Variants in USP45 observed in about 807,000 individuals in gnomAD.
The protein encoded by USP45 is ubiquitin carboxyl-terminal hydrolase 45.
Under a neutral mutation model 95.8 loss-of-function variants are expected in USP45, and 89 were observed. That is an observed-to-expected ratio of 0.93 (90% confidence interval 0.78 to 1.11). The LOEUF is 1.11. Among genes scored for constraint, USP45 ranks in the 50% least tolerant of loss-of-function variants. The pLI is 0.00. For missense variants in USP45, 898 were observed against 942.5 expected (o/e 0.95, Z 0.62); for synonymous variants, 281 against 316.2 (o/e 0.89, Z 1.18).
rs1350213599 is a variant in USP45, at chr6:99,446,003, A to G, written c.1769T>C (p.Leu590Ser). The G allele has an allele frequency of 1.9e-6, 3 of 1,613,918 alleles. No homozygotes were observed. In the East Asian group the frequency reaches 6.7e-5, roughly 36 times the overall value. The change falls in exon 14 of 18, where the codon TTA becomes TCA. Residue 590 changes from leucine to serine, a missense_variant. Coordinates refer to ENST00000500704, the MANE Select transcript of USP45 (RefSeq NM_001346022.3). ...PLNISNNLCFLEGKHLRSYSP... is the reference protein window; with the variant it reads ...PLNISNNLCFSEGKHLRSYSP... ...ATAAGACCTCAAATGCTTCCCCTCTAAAAAACATAAATTATTTGAAATATT... is the reference window on the plus strand; with the variant it reads ...ATAAGACCTCAAATGCTTCCCCTCTGAAAAACATAAATTATTTGAAATATT...
In USP45 at chr6:99,433,248, A is replaced by G. The variant is rs1779980702; in HGVS notation, c.*2468T>C. Reference sequence around the variant, plus strand: ...ATTGGCACATAATCAATATTTTATCATTTTATATTTGGAAAAAAACGGGAA... The same window carrying G: ...ATTGGCACATAATCAATATTTTATCGTTTTATATTTGGAAAAAAACGGGAA... On this transcript the variant is annotated 3_prime_UTR_variant, in exon 18 of 18. Transcript: ENST00000500704. The G allele has an allele frequency of 6.5e-6, 1 of 152,672 alleles. No individual in the cohort carries two copies. Among genetic ancestry groups the G allele is most frequent in the East Asian group, 1.9e-4 (1 of 5,200 alleles). 9.5% of individuals were successfully genotyped at this position (152,672 alleles called of 1,614,324 possible).
At chr6:99,461,777 G>T in intron 13 of USP45, 1 of 983,106 alleles carries the variant, frequency 1.0e-6, no homozygotes, top group Non-Finnish European at 1.2e-6. Context: ...GATGCAAGGT[G>T]CTTCTATTAC....
chr6:99,487,144 A>G (rs1447857687), intron 7 of USP45, among the ~76,000 whole-genome samples: 2 of 152,200 alleles, frequency 1.3e-5, no homozygotes, highest in Non-Finnish European at 1.5e-5. Flanking sequence ...ATCATGGGAC[A>G]TCTCAATAAA....
chr6:99,477,665 CTAA>C (rs1248520603), intron 8 of USP45, among the ~76,000 whole-genome samples: 1 of 152,070 alleles, frequency 6.6e-6, no homozygotes, highest in Non-Finnish European at 1.5e-5. Context: ...AATATTAATC[CTAA>C]TAATACAAAG....
chr6:99,459,566 T>C (rs980941286), intron 13 of USP45, among the ~76,000 whole-genome samples: 11 of 152,214 alleles, frequency 7.2e-5, no homozygotes, highest in Non-Finnish European at 1.6e-4. Context: ...GCCACACTGC[T>C]TTCTGCAACG....
chr6:99,443,523 A>G, intron 15 of USP45, 42 bp downstream of exon 15: 1 of 1,419,948 alleles, frequency 7.0e-7, no homozygotes, highest in Non-Finnish European at 9.9e-7. Flanking sequence ...AATGCTCTGT[A>G]AAACACATGA....
At chr6:99,449,083 G>T (rs1783226699) in intron 13 of USP45, among the ~76,000 whole-genome samples, 1 of 152,134 alleles carries the variant, frequency 6.6e-6, no homozygotes, top group South Asian at 2.1e-4. Flanking sequence ...AAACTGTAAA[G>T]ACCATCAATG....
rs1165660100 is a variant in USP45, at chr6:99,434,730, AT to A, written c.*985del. On this transcript the variant is annotated 3_prime_UTR_variant, in exon 18 of 18. Transcript: ENST00000500704. Reference sequence around the variant, plus strand: ...TTTACAAGAAGTAGAAAAAGTATATATTTTTCTGTTAAGAATATAATTCTCT... The same window carrying A: ...TTTACAAGAAGTAGAAAAAGTATATATTTTCTGTTAAGAATATAATTCTCT... 2 of 152,154 alleles carry A rather than the reference AT, an allele frequency of 1.3e-5. No individual in the cohort carries two copies. The allele number at this position is 152,154 out of a possible 1,614,324, so 9.4% of individuals were successfully genotyped here.
rs773687208 is a variant in USP45, at chr6:99,484,004, G to GTTTT, written c.715-1125_715-1122dup. Among the ~76,000 whole-genome samples, 477 of 91,454 alleles carry GTTTT rather than the reference G, an allele frequency of 5.2e-3. 24 individuals carry two copies. Among genetic ancestry groups the GTTTT allele is most frequent in the African/African-American group, 0.021 (448 of 21,682 alleles). 60.0% of individuals were successfully genotyped at this position (91,454 alleles called of 152,430 possible). A position where few individuals can be genotyped will look rare whatever the true frequency, so the allele number is the denominator to read the frequency against. ...AAAGGACAGGCTATAATTTTCCATA[G>GTTTT]TTTTTTTTTTTTTTTTTTTTTAAAG... On this transcript the variant is annotated intron_variant, in intron 7 of 17. Transcript: ENST00000500704.
intron 13 of USP45, among the ~76,000 whole-genome samples, chr6:99,449,502 ACCCAATACAGGAG>A (rs1247439782): frequency 2.0e-5 from 3 of 152,044 alleles, no homozygotes; most frequent in East Asian, 3.9e-4. Context: ...ATACAGGAGC[ACCCAATACAGGAG>A]CACCCACATT....
Position 99,432,722 on chromosome 6 carries a change from CTTATT to C in USP45, c.*2989_*2993del, listed in dbSNP as rs1382504591. On this transcript the variant is annotated 3_prime_UTR_variant, in exon 18 of 18. Transcript: ENST00000500704. ...TTTTATTGCACATATTTGGTTTAGG[CTTATT>C]TGATCAATACATGCAGAAAAATAAA... 4 of 152,582 alleles carry C rather than the reference CTTATT, an allele frequency of 2.6e-5. No homozygotes were observed. The highest frequency in any genetic ancestry group is 4.4e-5 in the Non-Finnish European group (3 of 67,996). 9.5% of individuals were successfully genotyped at this position (152,582 alleles called of 1,614,324 possible).
chr6:99,499,871 C>T (rs938581030), intron 5 of USP45, among the ~76,000 whole-genome samples: 2 of 152,166 alleles, frequency 1.3e-5, no homozygotes, highest in Non-Finnish European at 2.9e-5. Flanking sequence ...ATTTGAAGGA[C>T]TTTGGTTGTT....
At position 99,461,533 on chromosome 6, in the gene USP45, T is replaced by C. The variant is rs891674607; in HGVS notation, c.1308+3071A>G. Reference sequence around the variant, plus strand: ...AACTGGATTATTTGCCTGTTATCAGTAAGCAAAAGAAAATGCACTTTTTCA... The same window carrying C: ...AACTGGATTATTTGCCTGTTATCAGCAAGCAAAAGAAAATGCACTTTTTCA... On this transcript the variant is annotated intron_variant, in intron 13 of 17. Coordinates refer to ENST00000500704, the MANE Select transcript of USP45 (RefSeq NM_001346022.3). The C allele has an allele frequency of 6.1e-6, 6 of 985,282 alleles. No homozygotes were observed. The East Asian group carries it at 5.7e-4, about 93-fold the overall frequency. The allele number at this position is 985,282 out of a possible 1,614,324, so 61.0% of individuals were successfully genotyped here. A position where few individuals can be genotyped will look rare whatever the true frequency, so the allele number is the denominator to read the frequency against.
Position 99,473,424 on chromosome 6 carries a change from G to GT in USP45, c.933+2718dup, listed in dbSNP as rs542283116. ...TAGCCAGGCTTGGTGATATGTGTCT[G>GT]TAATCCCAGCTATTCAGGAGGCTGA... is the stretch of plus-strand genomic sequence containing the variant. On this transcript the variant is annotated intron_variant, in intron 9 of 17. Transcript: ENST00000500704. 1.6e-4 allele frequency among the ~76,000 whole-genome samples: 25 copies of GT among 152,094 alleles called. No individual in the cohort carries two copies. In the South Asian group the frequency reaches 3.7e-3, roughly 23 times the overall value.
At chr6:99,435,984 A>T in intron 17 of USP45, 138 bp from the exon 18 acceptor site, 1 of 866,934 alleles carries the variant, frequency 1.2e-6, no homozygotes, top group Non-Finnish European at 1.7e-6. Flanking sequence ...TTCTTGGGTT[A>T]AGCATTTTCC....
At chr6:99,444,584 C>G (rs983308401) in intron 14 of USP45, among the ~76,000 whole-genome samples, 1 of 152,148 alleles carries the variant, frequency 6.6e-6, no homozygotes, top group African/African-American at 2.4e-5. Flanking sequence ...CTTCACTGGG[C>G]TCTTACACTC....
chr6:99,436,599 C>G (rs1329534035), intron 17 of USP45, among the ~76,000 whole-genome samples: 1 of 151,756 alleles, frequency 6.6e-6, no homozygotes, highest in Non-Finnish European at 1.5e-5. Flanking sequence ...GACCCATAAA[C>G]AAAGCCAGCA....
chr6:99,508,798 C>CA lies in USP45; in HGVS notation c.101-17dup, dbSNP rs1427725463. ...GTTAAACCTACTGAATAAGATAAAA[C>CA]AAAATCTCAACATTTTCTTTGCTAC... On this transcript the variant is annotated splice_polypyrimidine_tract_variant and intron_variant, in intron 2 of 17. Transcript: ENST00000500704. The CA allele has an allele frequency of 6.3e-7, 1 of 1,591,880 alleles. No individual in the cohort carries two copies. Among genetic ancestry groups the CA allele is most frequent in the Non-Finnish European group, 8.5e-7 (1 of 1,170,188 alleles).
In USP45 at chr6:99,464,726, C is replaced by T; in HGVS notation, c.1186G>A (p.Gly396Arg). The change falls in exon 13 of 18, where the codon GGA becomes AGA. Residue 396 changes from glycine to arginine, a missense_variant. Transcript: ENST00000500704. ...AAACTTCTATATTTATTCATTCTTC[C>T]CCAAAGTAAAGGTTTTGAAACCTAT... Reference protein sequence around the residue: ...EERVSKPLLWGRMNKYRSLRE... With the variant: ...EERVSKPLLWRRMNKYRSLRE... The T allele has an allele frequency of 6.2e-7, 1 of 1,607,908 alleles. No individual in the cohort carries two copies. The highest frequency in any genetic ancestry group is 8.5e-7 in the Non-Finnish European group (1 of 1,178,494).
Sources: gnomAD v4.1 joint callset for allele counts (sites outside exome capture counted in the v4.1 genomes callset) on GRCh38, gnomAD v4.1.1 for gene constraint, MANE v1.5 for transcripts, NCBI Gene and HGNC (gene_info 2026-07-23, HGNC 2026-07-21) for gene names.